The following CENPW variants were observed in gnomAD, a reference collection of about 807,000 sequenced individuals.
The protein encoded by CENPW is cancer-up-regulated gene 2 protein.
In CENPW, 3 loss-of-function variants were observed where a neutral mutation model predicts 11.1. That is an observed-to-expected ratio of 0.27 (90% CI 0.12 to 0.70). The LOEUF (loss-of-function observed/expected upper bound fraction) is 0.70, where lower values mean the gene tolerates loss of function less well. Among genes scored for constraint, CENPW ranks in the 30% least tolerant of loss-of-function variants. The pLI, the probability that CENPW is intolerant of heterozygous loss-of-function variation, is 0.77. For synonymous variants in CENPW, 38 were observed against 42.0 expected (o/e 0.91, Z 0.37); for missense variants, 100 against 105.6 (o/e 0.95, Z 0.23).
the CENPW span, among the ~76,000 whole-genome samples, chr6:126,452,669 C>T: frequency 5.3e-5 from 8 of 150,964 alleles, no homozygotes; most frequent in African/African-American, 1.9e-4. Flanking sequence ...AAAATTCATG[C>T]TATCAGAGTG....
At chr6:126,427,582 A>G in the CENPW span, among the ~76,000 whole-genome samples, 7 of 152,136 alleles carry the variant, frequency 4.6e-5, no homozygotes, top group Admixed American at 3.3e-4. Flanking sequence ...ACAAGTTGCA[A>G]CTCTTCAGAT....
the CENPW span, among the ~76,000 whole-genome samples, chr6:126,361,508 G>A: frequency 1.3e-5 from 2 of 152,152 alleles, no homozygotes; most frequent in South Asian, 4.1e-4. Flanking sequence ...TGTTAGCCAG[G>A]ATGGTCTTGA....
chr6:126,405,447 A>G, the CENPW span, among the ~76,000 whole-genome samples: 2 of 152,038 alleles, frequency 1.3e-5, no homozygotes, highest in Non-Finnish European at 2.9e-5. Flanking sequence ...TGATGCCTCC[A>G]GCTTTGTTCT....
chr6:126,466,500 G>A, the CENPW span, among the ~76,000 whole-genome samples: 1 of 151,944 alleles, frequency 6.6e-6, no homozygotes, highest in Admixed American at 6.6e-5. Context: ...AGATAAGCAG[G>A]GCAGGAGACA....
chr6:126,430,607 C>G, the CENPW span, among the ~76,000 whole-genome samples: 1 of 152,058 alleles, frequency 6.6e-6, no homozygotes, highest in Non-Finnish European at 1.5e-5. Context: ...AGTCTGAACT[C>G]TTTTCATAGT....
chr6:126,352,070 G>A (rs1301487515), downstream of CENPW, among the ~76,000 whole-genome samples: 1 of 152,124 alleles, frequency 6.6e-6, no homozygotes, highest in Non-Finnish European at 1.5e-5. Context: ...GCCAGGTGAT[G>A]CTAGTGTTGC....
the CENPW span, among the ~76,000 whole-genome samples, chr6:126,429,098 C>T: frequency 1.3e-5 from 2 of 151,934 alleles, no homozygotes; most frequent in Admixed American, 6.6e-5. Context: ...TTTAAATTTT[C>T]CCAAGTTTTT....
At chr6:126,371,862 C>T in the CENPW span, among the ~76,000 whole-genome samples, 5,419 of 152,072 alleles carry the variant, frequency 0.036, 317 homozygotes, top group African/African-American at 0.12. Flanking sequence ...TAGTTATGTG[C>T]GTAAAGATGT....
the CENPW span, among the ~76,000 whole-genome samples, chr6:126,375,229 G>A: frequency 3.9e-5 from 6 of 152,192 alleles, no homozygotes; most frequent in Non-Finnish European, 8.8e-5. Context: ...GAAACAGAAA[G>A]TAAGTCAGCC....
chr6:126,394,067 T>A, the CENPW span, among the ~76,000 whole-genome samples: 1 of 151,980 alleles, frequency 6.6e-6, no homozygotes, highest in African/African-American at 2.4e-5. Context: ...TCATTAGGTA[T>A]TTTTAATCCA....
chr6:126,361,918 C>T, the CENPW span, among the ~76,000 whole-genome samples: 1 of 152,186 alleles, frequency 6.6e-6, no homozygotes, highest in Non-Finnish European at 1.5e-5. Flanking sequence ...GAGCTGTGTG[C>T]CACAGCCCTG....
At chr6:126,420,893 A>AT in the CENPW span, among the ~76,000 whole-genome samples, 1 of 151,428 alleles carries the variant, frequency 6.6e-6, no homozygotes, top group Admixed American at 6.6e-5. Flanking sequence ...CTTTTTTTTT[A>AT]TTTTTTATTT....
the CENPW span, among the ~76,000 whole-genome samples, chr6:126,380,606 G>A: frequency 6.6e-6 from 1 of 152,146 alleles, no homozygotes; most frequent in Admixed American, 6.5e-5. Context: ...TGGATAGGGG[G>A]CACCCACTGT....
At chr6:126,349,184 A>G (rs926096003), downstream of CENPW, among the ~76,000 whole-genome samples, 1 of 152,088 alleles carries the variant, frequency 6.6e-6, no homozygotes, top group African/African-American at 2.4e-5. Context: ...TTTATTTAGA[A>G]ATAATTATAG....
intron 1 of CENPW, 23 bp downstream of exon 1, chr6:126,340,422 G>C: frequency 6.2e-7 from 1 of 1,614,132 alleles, no homozygotes; most frequent in Non-Finnish European, 8.5e-7. Flanking sequence ...CCCTTCTCGG[G>C]CTGGGAATGG....
chr6:126,482,238 G>T, the CENPW span, among the ~76,000 whole-genome samples: 4 of 151,928 alleles, frequency 2.6e-5, no homozygotes, highest in Non-Finnish European at 5.9e-5. Flanking sequence ...GAGTAAATAT[G>T]GTCTGCTTAA....
At chr6:126,376,416 G>A in the CENPW span, among the ~76,000 whole-genome samples, 2 of 152,078 alleles carry the variant, frequency 1.3e-5, no homozygotes, top group South Asian at 2.1e-4. Flanking sequence ...ACTCTCTCTA[G>A]TCTTGTACTG....
chr6:126,469,070 G>A, the CENPW span, among the ~76,000 whole-genome samples: 1 of 152,162 alleles, frequency 6.6e-6, no homozygotes, highest in Non-Finnish European at 1.5e-5. Flanking sequence ...CTGGATTACA[G>A]GTGTGAACCA....
chr6:126,347,053 T>G (rs1192182751), intron 2 of CENPW, among the ~76,000 whole-genome samples: 1 of 152,208 alleles, frequency 6.6e-6, no homozygotes, highest in African/African-American at 2.4e-5. Flanking sequence ...TTTCCAGATA[T>G]GTTCCTGAAA....
Sources: gnomAD v4.1 joint callset for allele counts (sites outside exome capture counted in the v4.1 genomes callset) on GRCh38, gnomAD v4.1.1 for gene constraint, MANE v1.5 for transcripts, NCBI Gene and HGNC (gene_info 2026-07-23, HGNC 2026-07-21) for gene names.